The following STX1B variants were observed in gnomAD, a reference collection of about 807,000 sequenced individuals.
The protein encoded by STX1B is syntaxin 1B.
A neutral mutation model predicts 39.4 loss-of-function variants in STX1B; 7 were observed. The observed-to-expected ratio is 0.18, with a 90% CI of 0.10 to 0.33. The LOEUF (loss-of-function observed/expected upper bound fraction) is 0.33, where lower values mean the gene tolerates loss of function less well. Ranked by LOEUF, STX1B falls within the 10% of genes least tolerant of loss-of-function variation. The pLI, the probability that STX1B is intolerant of heterozygous loss-of-function variation, is 1.00. For synonymous variants in STX1B, 136 were observed against 144.1 expected (o/e 0.94, Z 0.40); for missense variants, 198 against 383.2 (o/e 0.52, Z 4.04).
chr16:31,001,645 G>T lies in STX1B; in HGVS notation c.31-42C>A, dbSNP rs2056630942. The T allele has an allele frequency of 1.9e-6, 3 of 1,542,828 alleles. No individual in the cohort carries two copies. On this transcript the variant is annotated intron_variant, in intron 1 of 9. Transcript: ENST00000215095. This position sits in a 1 kb window ranked among gnomAD's most constrained non-coding sequence, Gnocchi z 5.5. ...CTGAGTCCATGAGCAGGCCCTACCT[G>T]GGTCCCCAAGGCTGGCTCTCCAGCT...
chr16:31,004,567 G>T (rs1289232895), intron 1 of STX1B, among the ~76,000 whole-genome samples: 1 of 152,080 alleles, frequency 6.6e-6, no homozygotes, highest in African/African-American at 2.4e-5. Flanking sequence ...TCAGCTACTT[G>T]GGAGGGTGAG....
At chr16:30,994,086 A>G (rs1172113079) in intron 7 of STX1B, among the ~76,000 whole-genome samples, 1 of 151,518 alleles carries the variant, frequency 6.6e-6, no homozygotes, top group Non-Finnish European at 1.5e-5. Flanking sequence ...AGGTCAGCAG[A>G]CCAAGACTAT....
chr16:30,992,646 G>GGC lies in STX1B; in HGVS notation c.*174_*175insGC. 1 of 522,678 alleles carries GGC rather than the reference G, an allele frequency of 1.9e-6. No homozygotes were observed. The allele number at this position is 522,678 out of a possible 1,614,324, so 32.4% of individuals were successfully genotyped here. On this transcript the variant is annotated 3_prime_UTR_variant, in exon 10 of 10. Transcript: ENST00000215095. Reference sequence around the variant, plus strand: ...CTGCGATCTACGTGCGGGGACGGGGGGGGGGTCCATGGCCCGGTGAGGTCC... The same window carrying GGC: ...CTGCGATCTACGTGCGGGGACGGGGGGCGGGGGTCCATGGCCCGGTGAGGTCC...
chr16:30,996,598 G>C, intron 7 of STX1B, 85 bp downstream of exon 7: 2 of 1,222,076 alleles, frequency 1.6e-6, no homozygotes, highest in Non-Finnish European at 2.4e-6. Context: ...TTTCCAGGGT[G>C]GACTTAGGAC....
At chr16:30,996,542 C>T in intron 7 of STX1B, 141 bp downstream of exon 7, 2 of 753,432 alleles carry the variant, frequency 2.7e-6, no homozygotes, top group African/African-American at 1.7e-5. Context: ...CTGCTCCGCT[C>T]CCATGGAATT....
chr16:30,996,519 T>C, intron 7 of STX1B, 164 bp downstream of exon 7: 2 of 639,520 alleles, frequency 3.1e-6, no homozygotes, highest in East Asian at 5.4e-5. Flanking sequence ...CGTCATCTGA[T>C]GGGGGTGCCT....
At chr16:31,008,402 C>T (rs1410536911) in intron 1 of STX1B, among the ~76,000 whole-genome samples, 1 of 151,902 alleles carries the variant, frequency 6.6e-6, no homozygotes, top group African/African-American at 2.4e-5. Flanking sequence ...GCCTCCCCCT[C>T]CCCTGCCTCC....
chr16:30,996,632 A>G (rs1366434686), intron 7 of STX1B, 51 bp downstream of exon 7: 1 of 1,556,376 alleles, frequency 6.4e-7, no homozygotes, highest in South Asian at 1.1e-5. Flanking sequence ...GAACTTAGGG[A>G]GGGGAGGCAA....
chr16:31,004,097 G>C (rs1475277306), intron 1 of STX1B, among the ~76,000 whole-genome samples: 1 of 152,160 alleles, frequency 6.6e-6, no homozygotes, highest in Non-Finnish European at 1.5e-5. Flanking sequence ...GTCCCAATCT[G>C]GGGAAGGCTC....
rs573395093 is a variant in STX1B at position 30,991,400 on chromosome 16, T to C, written c.*1421A>G. 6.5e-6 allele frequency: 1 copy of C among 152,740 alleles called. No homozygotes were observed. The highest frequency in any genetic ancestry group is 1.9e-4 in the East Asian group (1 of 5,184). 9.5% of individuals were successfully genotyped at this position (152,740 alleles called of 1,614,324 possible). ...CTCTGCCTGCACAATGATGTAGCCG[T>C]GTGTGGCCACACCAGCACTGGGCAG... On this transcript the variant is annotated 3_prime_UTR_variant, in exon 10 of 10. Coordinates refer to ENST00000215095, the MANE Select transcript of STX1B (RefSeq NM_052874.5).
Position 30,992,779 on chromosome 16 carries a change from G to T in STX1B, c.*42C>A. ...GGGTGGTGGGGGTATTGCTCCCGAT[G>T]TGGTGGGGGAAGGGTCTGGGAGAGA... is the stretch of plus-strand genomic sequence containing the variant. On this transcript the variant is annotated 3_prime_UTR_variant, in exon 10 of 10. Coordinates refer to ENST00000215095, the MANE Select transcript of STX1B (RefSeq NM_052874.5). The T allele has an allele frequency of 1.5e-6, 2 of 1,316,158 alleles. No individual in the cohort carries two copies. Among genetic ancestry groups the T allele is most frequent in the Non-Finnish European group, 2.2e-6 (2 of 915,444 alleles). The allele number at this position is 1,316,158 out of a possible 1,614,324, so 81.5% of individuals were successfully genotyped here.
intron 5 of STX1B, 38 bp from the exon 6 acceptor site, chr16:30,997,097 TAGTCAGGGATCAGGGAGGG>T (rs1188944719): frequency 1.4e-6 from 2 of 1,425,196 alleles, no homozygotes; most frequent in Non-Finnish European, 9.9e-7. Context: ...ATCAGGGAGG[TAGTCAGGGATCAGGGAGGG>T]AGTCAGGGAG....
intron 1 of STX1B, among the ~76,000 whole-genome samples, chr16:31,006,509 C>T (rs1198111463): frequency 6.6e-6 from 1 of 152,174 alleles, no homozygotes; most frequent in African/African-American, 2.4e-5. Flanking sequence ...GCTGGCATTC[C>T]AGTGGGGGAG....
intron 4 of STX1B, among the ~76,000 whole-genome samples, chr16:30,998,498 T>C (rs1055498546): frequency 5.3e-5 from 8 of 152,214 alleles, no homozygotes; most frequent in Non-Finnish European, 1.2e-4. Flanking sequence ...CTGTCAGCCT[T>C]GGGGCTGGGG....
chr16:30,992,588 A>T lies in STX1B; in HGVS notation c.*233T>A, dbSNP rs2056565615. The T allele has an allele frequency of 2.1e-6, 1 of 477,312 alleles. No individual in the cohort carries two copies. The highest frequency in any genetic ancestry group is 2.9e-5 in the South Asian group (1 of 34,488). The allele number at this position is 477,312 out of a possible 1,614,324, so 29.6% of individuals were successfully genotyped here. On this transcript the variant is annotated 3_prime_UTR_variant, in exon 10 of 10. Transcript: ENST00000215095. ...CACGTCTCGAGCATGTGCCGGCGGCATGCATGTTGGTGTGCATGTGTAATC... is the reference window on the plus strand; with the variant it reads ...CACGTCTCGAGCATGTGCCGGCGGCTTGCATGTTGGTGTGCATGTGTAATC...
intron 1 of STX1B, among the ~76,000 whole-genome samples, chr16:31,004,716 TAGA>T (rs1281408958): frequency 6.6e-6 from 1 of 151,392 alleles, no homozygotes; most frequent in Non-Finnish European, 1.5e-5. Flanking sequence ...GGTCAGCTGT[TAGA>T]AGACCATTTG....
At chr16:30,996,647 T>C in intron 7 of STX1B, 36 bp downstream of exon 7, 1 of 1,603,020 alleles carries the variant, frequency 6.2e-7, no homozygotes, top group Non-Finnish European at 8.5e-7. Context: ...AGGCAAAAAT[T>C]TTCCAAAAGC....
At chr16:30,994,308 G>C (rs2056580160) in intron 7 of STX1B, among the ~76,000 whole-genome samples, 1 of 146,472 alleles carries the variant, frequency 6.8e-6, no homozygotes, top group Non-Finnish European at 1.5e-5. Context: ...AAAAAAAAGA[G>C]TCAGTAGGGA....
chr16:30,994,944 C>T (rs951906141), intron 7 of STX1B, among the ~76,000 whole-genome samples: 1 of 103,876 alleles, frequency 9.6e-6, no homozygotes, highest in Non-Finnish European at 1.8e-5. Flanking sequence ...CAAGTTCTTG[C>T]TCTGTCACCT....
Sources: allele counts gnomAD v4.1 joint callset (sites outside exome capture counted in the v4.1 genomes callset), GRCh38; gene constraint gnomAD v4.1.1; non-coding constraint Gnocchi (gnomAD v3.1); transcripts MANE v1.5; gene names NCBI Gene and HGNC (gene_info 2026-07-23, HGNC 2026-07-21).